Variants in FCF1 observed in about 807,000 individuals in gnomAD.
FCF1 encodes the protein rRNA-processing protein FCF1 homolog.
Under a neutral mutation model 32.5 loss-of-function variants are expected in FCF1, and 17 were observed. The ratio of observed to expected loss-of-function variants is 0.52; its 90% confidence interval spans 0.36 to 0.78. FCF1 has a LOEUF of 0.78. Among genes scored for constraint, FCF1 ranks in the 30% least tolerant of loss-of-function variants. The pLI is 0.00. For missense variants in FCF1, 201 were observed against 241.1 expected (o/e 0.83, Z 1.10); for synonymous variants, 84 against 78.4 (o/e 1.07, Z -0.38).
intron 4 of FCF1, among the ~76,000 whole-genome samples, chr14:74,718,942 C>T (rs2090459066): frequency 6.6e-6 from 1 of 151,716 alleles, no homozygotes; most frequent in Non-Finnish European, 1.5e-5. Flanking sequence ...TCAGCCCGGC[C>T]AACATGGTGA....
chr14:74,718,517 G>C lies in FCF1; in HGVS notation c.292+2418G>C, dbSNP rs191876254. 3.8e-3 allele frequency among the ~76,000 whole-genome samples: 578 copies of C among 151,792 alleles called. 24 individuals carry two copies. The highest frequency in any genetic ancestry group is 0.034 in the Admixed American group (516 of 15,222). On this transcript the variant is annotated intron_variant, in intron 4 of 7. Coordinates refer to ENST00000341162, the MANE Select transcript of FCF1 (RefSeq NM_015962.5). ...GAGACAAAGTTTCACTCTGTGGCCCGGGCTGGAGTACAGTGGGGTGATCTC... is the reference window on the plus strand; with the variant it reads ...GAGACAAAGTTTCACTCTGTGGCCCCGGCTGGAGTACAGTGGGGTGATCTC...
At position 74,714,763 on chromosome 14, in the gene FCF1, A is replaced by G; in HGVS notation, c.72-109A>G. 4.3e-6 allele frequency: 6 copies of G among 1,397,086 alleles called. No homozygotes were observed. In the South Asian group the frequency reaches 8.3e-5, roughly 19 times the overall value. 86.5% of individuals were successfully genotyped at this position (1,397,086 alleles called of 1,614,324 possible). The stretch of plus-strand genomic sequence containing the variant: ...TAACATGAGGATATCACAAAGTAGG[A>G]TTTCTTCAGTAGACCAAAAAAAAAA... On this transcript the variant is annotated intron_variant, in intron 2 of 7. Transcript: ENST00000341162.
chr14:74,723,842 AAG>A (rs577887383), intron 5 of FCF1, among the ~76,000 whole-genome samples: 3 of 151,896 alleles, frequency 2.0e-5, no homozygotes, highest in East Asian at 1.9e-4. Flanking sequence ...AAAAAAAAAA[AAG>A]AGAAAATACA....
intron 5 of FCF1, among the ~76,000 whole-genome samples, chr14:74,730,829 G>A (rs750814953): frequency 4.6e-5 from 7 of 151,928 alleles, no homozygotes; most frequent in African/African-American, 1.5e-4. Flanking sequence ...GTGAAACCCC[G>A]TCTCTCCTAA....
chr14:74,723,753 A>G (rs561899025), intron 5 of FCF1, among the ~76,000 whole-genome samples: 30 of 151,090 alleles, frequency 2.0e-4, no homozygotes, highest in African/African-American at 6.8e-4. Flanking sequence ...GCTTGAACCT[A>G]GGAGGCGGAG....
chr14:74,720,202 C>T (rs1453343847), intron 4 of FCF1, among the ~76,000 whole-genome samples: 1 of 152,196 alleles, frequency 6.6e-6, no homozygotes, highest in African/African-American at 2.4e-5. Context: ...ATAATTGACT[C>T]CCTTTACAAC....
intron 6 of FCF1, among the ~76,000 whole-genome samples, chr14:74,733,139 A>G (rs980913364): frequency 6.6e-6 from 1 of 152,216 alleles, no homozygotes; most frequent in African/African-American, 2.4e-5. Context: ...TCTCTGTAAA[A>G]TGATTTTAAG....
At position 74,713,522 on chromosome 14, in the gene FCF1, A is replaced by G; in HGVS notation, c.41A>G (p.Lys14Arg). 6.2e-7 allele frequency: 1 copy of G among 1,612,394 alleles called. No homozygotes were observed. Among genetic ancestry groups the G allele is most frequent in the Non-Finnish European group, 8.5e-7 (1 of 1,179,994 alleles). ...QKKTRKYATM[K>R]RMLSLRDQRL... Reference sequence around the variant, plus strand: ...AAAACAAGGAAGTATGCGACCATGAAGCGAATGCTTAGTCTCAGAGATCAG... The same window carrying G: ...AAAACAAGGAAGTATGCGACCATGAGGCGAATGCTTAGTCTCAGAGATCAG... The change falls in exon 2 of 8, where the codon AAG (lysine) becomes AGG (arginine). Residue 14 changes from lysine to arginine, a missense_variant. Transcript: ENST00000341162.
intron 4 of FCF1, among the ~76,000 whole-genome samples, chr14:74,721,517 A>C (rs1043770576): frequency 3.3e-5 from 5 of 152,264 alleles, no homozygotes; most frequent in African/African-American, 9.6e-5. Context: ...CCTGACCAAC[A>C]TGGTGAAACC....
At chr14:74,713,417 G>A in intron 1 of FCF1, 68 bp from the exon 2 acceptor site, 1 of 1,562,504 alleles carries the variant, frequency 6.4e-7, no homozygotes, top group Non-Finnish European at 8.8e-7. Flanking sequence ...ATAGACAAGA[G>A]AAAAGAAGAG....
intron 2 of FCF1, chr14:74,713,758 T>G: frequency 1.7e-6 from 1 of 600,024 alleles, no homozygotes; most frequent in African/African-American, 1.9e-5. Context: ...ATTTCTTAAG[T>G]GTTCACTTTT....
Position 74,716,056 on chromosome 14 carries a change from A to C in FCF1, c.249A>C (p.Lys83Asn). 6.2e-7 allele frequency: 1 copy of C among 1,613,996 alleles called. No homozygotes were observed. Among genetic ancestry groups the C allele is most frequent in the Non-Finnish European group, 8.5e-7 (1 of 1,179,898 alleles). Residue 83 changes from lysine (K) to asparagine (N), a missense_variant, in exon 4 of 8, where the codon AAA (lysine) becomes AAC (asparagine). Transcript: ENST00000341162. The part of the protein sequence containing the change: ...TNFINFSIKA[K>N]LDLVQSMMDC... ...TTATCAACTTTTCCATAAAAGCCAA[A>C]CTGGACTTAGTGCAGTCAATGATGG...
chr14:74,719,473 A>T (rs571330016), intron 4 of FCF1, among the ~76,000 whole-genome samples: 3 of 152,082 alleles, frequency 2.0e-5, no homozygotes, highest in Non-Finnish European at 4.4e-5. Flanking sequence ...AATTTTTTTT[A>T]AATCAAGCTG....
At chr14:74,713,967 A>G (rs779338108) in intron 2 of FCF1, among the ~76,000 whole-genome samples, 3 of 152,148 alleles carry the variant, frequency 2.0e-5, no homozygotes, top group Non-Finnish European at 4.4e-5. Flanking sequence ...GTACTCAAAT[A>G]TTTTTGTCAG....
rs2090362512 is a variant in FCF1 at position 74,713,470 on chromosome 14, A to C, written c.4-15A>C. Reference sequence around the variant, plus strand: ...GTGTTTCCAACTTTTTTAATTCTAAAATTTCTGTTTCAAGGGGAAGCAAAA... The same window carrying C: ...GTGTTTCCAACTTTTTTAATTCTAACATTTCTGTTTCAAGGGGAAGCAAAA... On this transcript the variant is annotated splice_polypyrimidine_tract_variant and intron_variant, in intron 1 of 7. Coordinates refer to ENST00000341162, the MANE Select transcript of FCF1 (RefSeq NM_015962.5). 2.5e-6 allele frequency: 4 copies of C among 1,612,424 alleles called. No individual in the cohort carries two copies. The highest frequency in any genetic ancestry group is 3.4e-6 in the Non-Finnish European group (4 of 1,179,274).
chr14:74,714,847 A>G lies in FCF1; in HGVS notation c.72-25A>G. ...TGCTGTGGTTTTTCTTCTCCCTTGG[A>G]TTTAATTTACCTTTTTCTTCCTAGT... On this transcript the variant is annotated intron_variant, in intron 2 of 7. Transcript: ENST00000341162. 3 of 1,539,666 alleles carry G rather than the reference A, an allele frequency of 1.9e-6. No individual in the cohort carries two copies. The African/African-American group carries it at 4.2e-5, about 22-fold the overall frequency.
chr14:74,721,768 T>C (rs1261245447), intron 4 of FCF1, among the ~76,000 whole-genome samples: 2 of 152,244 alleles, frequency 1.3e-5, no homozygotes, highest in Admixed American at 6.5e-5. Context: ...CATACTATTC[T>C]ATTGTTTAAA....
In FCF1 at chr14:74,734,119, G is replaced by C; in HGVS notation, c.497G>C (p.Arg166Thr). Residue 166 changes from arginine to threonine, a missense_variant, in exon 7 of 8, where the codon AGA (arginine) becomes ACA (threonine). Physicochemically the swap from Arg to Thr is moderately conservative, Grantham distance 71. Coordinates refer to ENST00000341162, the MANE Select transcript of FCF1 (RefSeq NM_015962.5). ...GCCACAGTTGACCGGGACCTGAAAA[G>C]AAGAATCCGTAAGATTCCTGGAGTT... Reference protein sequence around the residue: ...IVATVDRDLKRRIRKIPGVPI... With the variant: ...IVATVDRDLKTRIRKIPGVPI... 1 of 1,613,816 alleles carries C rather than the reference G, an allele frequency of 6.2e-7. No homozygotes were observed. Among genetic ancestry groups the C allele is most frequent in the Non-Finnish European group, 8.5e-7 (1 of 1,179,760 alleles).
chr14:74,723,103 G>A (rs376506499), intron 4 of FCF1, among the ~76,000 whole-genome samples, 169 bp from the exon 5 acceptor site: 3 of 152,128 alleles, frequency 2.0e-5, no homozygotes, highest in East Asian at 1.9e-4. Context: ...GACAATCTTA[G>A]TTTCTTAGGG....
Sources: gnomAD v4.1 joint callset for allele counts (sites outside exome capture counted in the v4.1 genomes callset) on GRCh38, gnomAD v4.1.1 for gene constraint, MANE v1.5 for transcripts, NCBI Gene and HGNC (gene_info 2026-07-23, HGNC 2026-07-21) for gene names.